The following NRXN1 variants were observed in gnomAD, a reference collection of about 807,000 sequenced individuals.
NRXN1 encodes neurexin-1.
In NRXN1, 39 loss-of-function variants were observed where a neutral mutation model predicts 150.9. The ratio of observed to expected loss-of-function variants is 0.26; its 90% CI spans 0.20 to 0.34. The LOEUF is 0.34. Ranked by LOEUF, NRXN1 falls within the 10% of genes least tolerant of loss-of-function variation. The probability of loss-of-function intolerance (pLI) is 1.00; values close to 1 mark genes in which losing one functional copy is unlikely to be tolerated. For missense variants in NRXN1, 1,815 were observed against 1,949.9 expected (o/e 0.93, Z 1.30); for synonymous variants, 924 against 757.0 (o/e 1.22, Z -3.62).
chr2:50,156,163 G>T (rs941716441), intron 18 of NRXN1, among the ~76,000 whole-genome samples: 6 of 151,630 alleles, frequency 4.0e-5, no homozygotes, highest in African/African-American at 1.2e-4. Context: ...AGGAATAAAG[G>T]TTATTTCTAA....
chr2:50,042,803 C>A (rs1345038023), intron 21 of NRXN1, among the ~76,000 whole-genome samples: 1 of 151,996 alleles, frequency 6.6e-6, no homozygotes, highest in East Asian at 1.9e-4. Flanking sequence ...AATCTCTATT[C>A]ATCTATCTTT....
chr2:50,635,277 C>T (rs1031854251), intron 5 of NRXN1, among the ~76,000 whole-genome samples: 5 of 151,936 alleles, frequency 3.3e-5, no homozygotes, highest in African/African-American at 9.7e-5. Context: ...CCTGCCTCAG[C>T]CTCCCAAGTA....
intron 5 of NRXN1, among the ~76,000 whole-genome samples, chr2:50,842,261 T>C (rs1190874741): frequency 1.3e-5 from 2 of 152,180 alleles, no homozygotes; most frequent in African/African-American, 4.8e-5. Flanking sequence ...CTGATTTAGA[T>C]CACAGATATG....
chr2:49,949,479 CA>C (rs1328745894), intron 21 of NRXN1, among the ~76,000 whole-genome samples: 4 of 152,028 alleles, frequency 2.6e-5, no homozygotes, highest in South Asian at 4.1e-4. Flanking sequence ...TTATGATAAA[CA>C]GCTTTCCTGA....
chr2:50,695,198 G>C (rs1335560894), intron 5 of NRXN1, among the ~76,000 whole-genome samples: 1 of 151,892 alleles, frequency 6.6e-6, no homozygotes, highest in African/African-American at 2.4e-5. Context: ...GGGTGGCGGT[G>C]GGGGGAAGGC....
chr2:50,127,022 T>G (rs1220764739), intron 18 of NRXN1, among the ~76,000 whole-genome samples: 2 of 152,162 alleles, frequency 1.3e-5, no homozygotes, highest in African/African-American at 4.8e-5. Context: ...ATGATTCTCA[T>G]GAACATCCTC....
rs143512496 is a variant in NRXN1 at position 50,284,135 on chromosome 2, T to C, written c.3365-47165A>G. On this transcript the variant is annotated intron_variant, in intron 17 of 22. Coordinates refer to ENST00000401669, the MANE Select transcript of NRXN1 (RefSeq NM_001330078.2). ...AGACACTGCTTTCTCTTGGAAATTATGGTGATTCTCTGACATAACACTGGT... is the reference window on the plus strand; with the variant it reads ...AGACACTGCTTTCTCTTGGAAATTACGGTGATTCTCTGACATAACACTGGT... Among the ~76,000 whole-genome samples the C allele has an allele frequency of 7.2e-3, 1,100 of 152,334 alleles. 19 individuals are homozygous for C. The highest frequency in any genetic ancestry group is 0.025 in the African/African-American group (1,026 of 41,572).
intron 5 of NRXN1, among the ~76,000 whole-genome samples, chr2:50,904,145 C>A (rs769247468): frequency 1.3e-5 from 2 of 152,082 alleles, no homozygotes; most frequent in East Asian, 3.9e-4. Context: ...ATTAGCCTTA[C>A]ATAATTCTGT....
chr2:50,428,225 C>G (rs890362566), intron 17 of NRXN1, among the ~76,000 whole-genome samples: 4 of 151,998 alleles, frequency 2.6e-5, no homozygotes, highest in Admixed American at 2.6e-4. Flanking sequence ...ACCACCTGGG[C>G]AACACAGCAA....
At chr2:50,113,991 A>G (rs1702705214) in intron 18 of NRXN1, among the ~76,000 whole-genome samples, 1 of 152,174 alleles carries the variant, frequency 6.6e-6, no homozygotes, top group Admixed American at 6.5e-5. Flanking sequence ...GGTAAGATCT[A>G]TATATACAAG....
At chr2:50,888,268 T>C (rs546037120) in intron 5 of NRXN1, among the ~76,000 whole-genome samples, 3 of 151,532 alleles carry the variant, frequency 2.0e-5, no homozygotes, top group East Asian at 2.0e-4. Context: ...AAAGAAGGGA[T>C]TGGTCAAGAT....
At chr2:50,851,043 A>C (rs1404352314) in intron 5 of NRXN1, among the ~76,000 whole-genome samples, 2 of 152,158 alleles carry the variant, frequency 1.3e-5, no homozygotes, top group Admixed American at 6.5e-5. Context: ...TTCAAAATAT[A>C]AAGGAAAGAA....
chr2:50,979,911 G>A (rs960641689), intron 2 of NRXN1, among the ~76,000 whole-genome samples: 1 of 152,042 alleles, frequency 6.6e-6, no homozygotes, highest in African/African-American at 2.4e-5. Context: ...AACAAAAGTT[G>A]TCCCATGATT....
chr2:50,703,134 C>G (rs534157144), intron 5 of NRXN1, among the ~76,000 whole-genome samples: 5 of 152,156 alleles, frequency 3.3e-5, no homozygotes, highest in African/African-American at 1.2e-4. Flanking sequence ...GTAGATTTTG[C>G]TGCTAAGCAA....
intron 2 of NRXN1, among the ~76,000 whole-genome samples, chr2:50,990,118 T>G (rs536105336): frequency 6.6e-6 from 1 of 152,172 alleles, no homozygotes; most frequent in East Asian, 1.9e-4. Flanking sequence ...TGTAGGGAAC[T>G]GTCTGCTAAA....
intron 5 of NRXN1, among the ~76,000 whole-genome samples, chr2:50,658,585 C>A (rs967272874): frequency 3.3e-5 from 5 of 151,954 alleles, no homozygotes; most frequent in African/African-American, 1.2e-4. Context: ...AAAACAGACT[C>A]TTTGGCCGTT....
chr2:50,093,070 C>G (rs573646102), intron 18 of NRXN1, among the ~76,000 whole-genome samples: 2 of 151,998 alleles, frequency 1.3e-5, no homozygotes, highest in South Asian at 4.2e-4. Flanking sequence ...AAAAGTAATT[C>G]TGTTAAAATA....
intron 5 of NRXN1, among the ~76,000 whole-genome samples, chr2:50,757,157 AT>A (rs1340056818): frequency 6.6e-6 from 1 of 151,926 alleles, no homozygotes; most frequent in Non-Finnish European, 1.5e-5. Context: ...AAAGAAGCAT[AT>A]TTAGTATCCA....
intron 5 of NRXN1, among the ~76,000 whole-genome samples, chr2:50,847,498 G>A (rs1673836649): frequency 6.6e-6 from 1 of 152,130 alleles, no homozygotes; most frequent in African/African-American, 2.4e-5. Context: ...GCTGGGTAGA[G>A]AAAGGCCAGT....
Sources: allele counts gnomAD v4.1 joint callset (sites outside exome capture counted in the v4.1 genomes callset), GRCh38; gene constraint gnomAD v4.1.1; transcripts MANE v1.5; gene names NCBI Gene and HGNC (gene_info 2026-07-23, HGNC 2026-07-21).